ZNF708: variants seen among roughly 807,000 people sequenced by gnomAD.
The protein encoded by ZNF708 is zinc finger protein 708.
ZNF708 carries 44 observed loss-of-function variants against 47.0 expected under a neutral mutation model. That is an observed-to-expected ratio of 0.94 (90% CI 0.74 to 1.20). The LOEUF is 1.20. Among genes scored for constraint, ZNF708 ranks in the 50% most tolerant of loss-of-function variants. ZNF708 has a pLI of 0.00. For missense variants in ZNF708, 557 were observed against 656.0 expected (o/e 0.85, Z 1.65); for synonymous variants, 184 against 218.5 (o/e 0.84, Z 1.39).
intron 1 of ZNF708, among the ~76,000 whole-genome samples, chr19:21,327,274 AT>A: frequency 6.6e-6 from 1 of 152,144 alleles, no homozygotes; most frequent in East Asian, 1.9e-4. Context: ...TCACGCCTGT[AT>A]TCCCAGCACT....
chr19:21,305,661 C>T (rs940585175), intron 3 of ZNF708, among the ~76,000 whole-genome samples: 1 of 151,842 alleles, frequency 6.6e-6, no homozygotes, highest in African/African-American at 2.4e-5. Flanking sequence ...CGGGATTTCA[C>T]CATGTTCTCC....
intron 3 of ZNF708, 104 bp downstream of exon 3, chr19:21,309,142 G>C: frequency 8.6e-7 from 1 of 1,163,194 alleles, no homozygotes; most frequent in Non-Finnish European, 1.2e-6. Flanking sequence ...CAGCTGCCTA[G>C]AAACTTTGGA....
At chr19:21,324,057 G>C (rs552186420) in intron 1 of ZNF708, among the ~76,000 whole-genome samples, 10 of 147,112 alleles carry the variant, frequency 6.8e-5, no homozygotes, top group African/African-American at 2.3e-4. Flanking sequence ...GGCTAACATG[G>C]TGAAACGTTG....
intron 3 of ZNF708, among the ~76,000 whole-genome samples, chr19:21,297,960 AGTGTGTGTGT>A (rs66590988): frequency 9.9e-4 from 149 of 149,954 alleles, no homozygotes; most frequent in African/African-American, 2.3e-3. Flanking sequence ...ACAAATGACT[AGTGTGTGTGT>A]GTGTGTGTGT....
intron 1 of ZNF708, among the ~76,000 whole-genome samples, chr19:21,315,623 G>A (rs1256531610): frequency 6.6e-6 from 1 of 152,126 alleles, no homozygotes; most frequent in Non-Finnish European, 1.5e-5. Context: ...ACTTTGATTA[G>A]CAGCAGTTAC....
At chr19:21,297,289 T>A (rs1301773940) in intron 3 of ZNF708, among the ~76,000 whole-genome samples, 105 of 101,682 alleles carry the variant, frequency 1.0e-3, no homozygotes, top group South Asian at 3.8e-3. Flanking sequence ...TTTTTTTTTT[T>A]TTTTTTTTTT....
At position 21,294,064 on chromosome 19, in the gene ZNF708, A is replaced by T; in HGVS notation, c.902T>A (p.Ile301Asn). The T allele has an allele frequency of 6.2e-7, 1 of 1,613,482 alleles. No homozygotes were observed. Among genetic ancestry groups the T allele is most frequent in the Non-Finnish European group, 8.5e-7 (1 of 1,179,858 alleles). ...QSSNLTNHKK[I>N]HTGEKPYKCG... ...TTTGTAGGGTTTCTCTCCAGTATGA[A>T]TTTTCTTGTGATTAGTAAGGTTTGA... Residue 301 changes from isoleucine to asparagine, a missense_variant, in exon 4 of 4, where the codon ATT (isoleucine) becomes AAT (asparagine). Coordinates refer to ENST00000356929, the MANE Select transcript of ZNF708 (RefSeq NM_021269.3).
chr19:21,296,227 A>G (rs1353116601), intron 3 of ZNF708, among the ~76,000 whole-genome samples: 4 of 151,958 alleles, frequency 2.6e-5, no homozygotes, highest in Non-Finnish European at 5.9e-5. Context: ...GTGGCCGGGC[A>G]CAGTGGCTCG....
intron 3 of ZNF708, among the ~76,000 whole-genome samples, chr19:21,300,247 C>A (rs533750216): frequency 5.3e-5 from 8 of 150,344 alleles, no homozygotes; most frequent in Admixed American, 4.0e-4. Flanking sequence ...CGGTGGCTCA[C>A]GCCTGTAATC....
chr19:21,303,863 C>G (rs1056130791), intron 3 of ZNF708, among the ~76,000 whole-genome samples: 2 of 151,830 alleles, frequency 1.3e-5, no homozygotes, highest in African/African-American at 4.8e-5. Flanking sequence ...GAATCTATAA[C>G]TATTATATCT....
At chr19:21,301,957 C>A (rs1204282883) in intron 3 of ZNF708, among the ~76,000 whole-genome samples, 1 of 152,122 alleles carries the variant, frequency 6.6e-6, no homozygotes, top group Non-Finnish European at 1.5e-5. Context: ...CAAGCACAGT[C>A]CTATGAAAAG....
chr19:21,316,790 T>C (rs529555179), intron 1 of ZNF708, among the ~76,000 whole-genome samples: 121 of 146,794 alleles, frequency 8.2e-4, no homozygotes, highest in African/African-American at 2.2e-3. Flanking sequence ...CCATCTCTCT[T>C]TTTTTTTTTT....
intron 1 of ZNF708, among the ~76,000 whole-genome samples, chr19:21,316,468 T>C (rs1973014833): frequency 6.6e-6 from 1 of 152,118 alleles, no homozygotes; most frequent in South Asian, 2.1e-4. Context: ...GATTCAGAAA[T>C]TGGAGCTGCA....
chr19:21,320,173 C>CAA (rs34182229), intron 1 of ZNF708, among the ~76,000 whole-genome samples: 1 of 151,082 alleles, frequency 6.6e-6, no homozygotes, highest in Non-Finnish European at 1.5e-5. Context: ...AAGACTCAGT[C>CAA]AAAAAAAAGC....
intron 1 of ZNF708, among the ~76,000 whole-genome samples, chr19:21,317,173 G>T (rs576454362): frequency 2.0e-5 from 3 of 151,926 alleles, no homozygotes; most frequent in African/African-American, 7.2e-5. Flanking sequence ...CCAGCTACTT[G>T]GGAGGCTGAA....
chr19:21,294,111 A>G lies in ZNF708; in HGVS notation c.855T>C (p.Cys285=). Residue 285 remains cysteine, a synonymous_variant, in exon 4 of 4, where the codon TGT becomes TGC. Coordinates refer to ENST00000356929, the MANE Select transcript of ZNF708 (RefSeq NM_021269.3). ...TGEKPYKCEE[C]GKAFKQSSNL... is the part of the protein sequence containing the mutation. ...TTGAGGACTGTTTAAAAGCTTTGCC[A>G]CATTCTTCACATTTGTAGGGTTTCT... 6.2e-7 allele frequency: 1 copy of G among 1,613,324 alleles called. No homozygotes were observed. Among genetic ancestry groups the G allele is most frequent in the Non-Finnish European group, 8.5e-7 (1 of 1,179,906 alleles).
chr19:21,301,656 G>C (rs1972662481), intron 3 of ZNF708, among the ~76,000 whole-genome samples: 1 of 151,960 alleles, frequency 6.6e-6, no homozygotes, highest in African/African-American at 2.4e-5. Flanking sequence ...AATTAGCTGG[G>C]CATGGTGGCA....
At chr19:21,303,840 G>A (rs1368139853) in intron 3 of ZNF708, among the ~76,000 whole-genome samples, 5 of 151,670 alleles carry the variant, frequency 3.3e-5, no homozygotes, top group Non-Finnish European at 7.4e-5. Context: ...AATAAAATAG[G>A]TCAATTTACC....
chr19:21,301,158 G>C (rs1391821309), intron 3 of ZNF708, among the ~76,000 whole-genome samples: 2 of 152,082 alleles, frequency 1.3e-5, no homozygotes, highest in Non-Finnish European at 2.9e-5. Flanking sequence ...CAGAGAAAAA[G>C]TAATATGAGG....
Sources: allele counts gnomAD v4.1 joint callset (sites outside exome capture counted in the v4.1 genomes callset), GRCh38; gene constraint gnomAD v4.1.1; transcripts MANE v1.5; gene names NCBI Gene and HGNC (gene_info 2026-07-23, HGNC 2026-07-21).